The following DLEC1 variants were observed in gnomAD, a reference collection of about 807,000 sequenced individuals.
DLEC1 encodes the protein DLEC1 cilia and flagella associated protein, also known as deleted in lung and esophageal cancer protein 1.
Under a neutral mutation model 198.1 loss-of-function variants are expected in DLEC1, and 146 were observed. The ratio of observed to expected loss-of-function variants is 0.74; its 90% CI spans 0.64 to 0.85. DLEC1 has a LOEUF of 0.85. Ranked by LOEUF, DLEC1 falls within the 40% of genes least tolerant of loss-of-function variation. The pLI is 0.00. For synonymous variants in DLEC1, 897 were observed against 866.8 expected, an observed-to-expected ratio of 1.03 and a Z score of -0.61; for missense variants, 2,233 against 2,220.0, an observed-to-expected ratio of 1.01 and a Z score of -0.12.
intron 9 of DLEC1, among the ~76,000 whole-genome samples, chr3:38,087,630 G>A (rs1172521513): frequency 1.3e-5 from 2 of 151,286 alleles, no homozygotes; most frequent in African/African-American, 2.4e-5. Context: ...CCATTAGCAT[G>A]CTCACACCAT....
chr3:38,060,463 C>T (rs868341429), intron 3 of DLEC1, among the ~76,000 whole-genome samples: 2 of 152,044 alleles, frequency 1.3e-5, no homozygotes, highest in Middle Eastern at 3.4e-3. Flanking sequence ...GGCCAGTTAT[C>T]GGGATTGCCT....
chr3:38,110,353 G>A (rs1160471182), intron 23 of DLEC1, 72 bp downstream of exon 23: 1 of 1,560,152 alleles, frequency 6.4e-7, no homozygotes, highest in Admixed American at 1.7e-5. Flanking sequence ...GCCTCTGTGT[G>A]GCTTAGGTGG....
chr3:38,059,701 C>G, intron 2 of DLEC1, 41 bp from the exon 3 acceptor site: 1 of 1,562,526 alleles, frequency 6.4e-7, no homozygotes, highest in Non-Finnish European at 8.7e-7. Flanking sequence ...CAAAGTCAGT[C>G]TGGCTGGAAA....
intron 3 of DLEC1, among the ~76,000 whole-genome samples, chr3:38,060,633 C>T (rs1361555421): frequency 3.3e-5 from 5 of 151,158 alleles, no homozygotes; most frequent in Admixed American, 6.6e-5. Context: ...GTCTGAGCTA[C>T]GTAGGGAAGT....
chr3:38,084,813 G>C (rs528776319), intron 7 of DLEC1, among the ~76,000 whole-genome samples: 1 of 151,832 alleles, frequency 6.6e-6, no homozygotes, highest in African/African-American at 2.4e-5. Flanking sequence ...CCCAGGCACT[G>C]GTCCTGCTAT....
chr3:38,039,750 A>G lies in DLEC1; in HGVS notation c.411+114A>G. 4 of 1,393,326 alleles carry G rather than the reference A, an allele frequency of 2.9e-6. 1 individual carries two copies. In the South Asian group the frequency reaches 5.7e-5, roughly 20 times the overall value. The allele number at this position is 1,393,326 out of a possible 1,614,324, so 86.3% of individuals were successfully genotyped here. On this transcript the variant is annotated intron_variant, in intron 1 of 36. Transcript: ENST00000308059. ...TCCAGGATCTGGGGCTGCAGTTGAG[A>G]AACAGCCCATCATGCCGAAGTGGGC...
intron 1 of DLEC1, among the ~76,000 whole-genome samples, chr3:38,043,373 G>A (rs1289969789): frequency 6.6e-6 from 1 of 152,218 alleles, no homozygotes; most frequent in East Asian, 1.9e-4. Flanking sequence ...TGGACTAGAT[G>A]CTAATTCCTA....
chr3:38,082,495 C>T (rs1172385988), intron 6 of DLEC1, among the ~76,000 whole-genome samples: 2 of 152,162 alleles, frequency 1.3e-5, no homozygotes, highest in Admixed American at 6.5e-5. Flanking sequence ...TTCGGGTGTT[C>T]TTAACCCTCC....
chr3:38,117,450 G>C, intron 31 of DLEC1, 77 bp from the exon 32 acceptor site: 1 of 1,607,614 alleles, frequency 6.2e-7, no homozygotes, highest in Non-Finnish European at 8.5e-7. Flanking sequence ...GCTGGCCCGA[G>C]GCTGGATGAG....
rs570392175 is a variant in DLEC1 at position 38,096,715 on chromosome 3, T to A, written c.2318T>A (p.Ile773Lys). 21 of 1,610,810 alleles carry A rather than the reference T, an allele frequency of 1.3e-5. No individual in the cohort carries two copies. In the East Asian group the frequency reaches 4.5e-4, roughly 34 times the overall value. ...ATCCCAGGGGAGAACTACATTGGGA[T>A]AAATGTGAAGAAGGCTTTTAAGGTA... ...LIIPGENYIG[I>K]NVKKAFKMWN... The change falls in exon 15 of 37, where the codon ATA (isoleucine) becomes AAA (lysine). Residue 773 changes from isoleucine to lysine, a missense_variant. Transcript: ENST00000308059.
rs533418626 is a variant in DLEC1, at chr3:38,053,362, C to T, written c.563-6380C>T. The stretch of plus-strand genomic sequence containing the variant: ...GAAGTGAGGAGCGTCTCTGCCCGGC[C>T]GCCCATTGTCTGAGATGTGGGGAGT... On this transcript the variant is annotated intron_variant, in intron 2 of 36. Transcript: ENST00000308059. Among the ~76,000 whole-genome samples the T allele has an allele frequency of 4.6e-5, 7 of 151,580 alleles. No individual in the cohort carries two copies. The South Asian group carries it at 8.3e-4, about 18-fold the overall frequency.
intron 3 of DLEC1, among the ~76,000 whole-genome samples, chr3:38,060,213 T>C (rs1339889603): frequency 6.6e-6 from 1 of 152,162 alleles, no homozygotes; most frequent in Non-Finnish European, 1.5e-5. Context: ...CAGGGACTTA[T>C]GGGTTTTCCC....
intron 6 of DLEC1, among the ~76,000 whole-genome samples, chr3:38,077,378 T>C (rs1697686680): frequency 6.6e-6 from 1 of 152,118 alleles, no homozygotes; most frequent in Non-Finnish European, 1.5e-5. Context: ...AAAAAGGAGC[T>C]CAAATGGGCT....
At chr3:38,098,982 C>T (rs759293974) in intron 18 of DLEC1, among the ~76,000 whole-genome samples, 2 of 152,200 alleles carry the variant, frequency 1.3e-5, no homozygotes, top group African/African-American at 4.8e-5. Flanking sequence ...CTAAGGCTGG[C>T]GCTTGGGCTG....
intron 15 of DLEC1, 94 bp from the exon 16 acceptor site, chr3:38,097,087 CT>C: frequency 8.1e-7 from 1 of 1,230,778 alleles, no homozygotes; most frequent in African/African-American, 1.5e-5. Context: ...GTCATATGGA[CT>C]CTTTACGAGC....
intron 6 of DLEC1, among the ~76,000 whole-genome samples, chr3:38,066,395 T>C (rs1697031823): frequency 6.6e-6 from 1 of 152,256 alleles, no homozygotes; most frequent in African/African-American, 2.4e-5. Flanking sequence ...TCCTCTTTCT[T>C]GTACTCTCCT....
chr3:38,063,949 C>G (rs1366991724), intron 6 of DLEC1, 30 bp downstream of exon 6: 1 of 1,431,066 alleles, frequency 7.0e-7, no homozygotes, highest in Non-Finnish European at 9.7e-7. Context: ...ACAGCTCCCA[C>G]CCCATCTGCT....
At chr3:38,077,624 T>C (rs1575155405) in intron 6 of DLEC1, among the ~76,000 whole-genome samples, 1 of 152,064 alleles carries the variant, frequency 6.6e-6, no homozygotes, top group East Asian at 1.9e-4. Flanking sequence ...TGTATAGAGG[T>C]GGGAAGGCTA....
At chr3:38,058,806 G>C (rs1008738856) in intron 2 of DLEC1, among the ~76,000 whole-genome samples, 5 of 152,038 alleles carry the variant, frequency 3.3e-5, no homozygotes, top group African/African-American at 1.2e-4. Context: ...TAATGGTGGA[G>C]GCTGTGCATG....
Sources: allele counts gnomAD v4.1 joint callset (sites outside exome capture counted in the v4.1 genomes callset), GRCh38; gene constraint gnomAD v4.1.1; transcripts MANE v1.5; gene names NCBI Gene and HGNC (gene_info 2026-07-23, HGNC 2026-07-21).